The following PRSS23 variants were observed in gnomAD, a reference collection of about 807,000 sequenced individuals.
The protein encoded by PRSS23 is serine protease 23.
In PRSS23, 25 loss-of-function variants were observed where a neutral mutation model predicts 34.7. The observed-to-expected ratio is 0.72, with a 90% CI of 0.53 to 1.01. The LOEUF (loss-of-function observed/expected upper bound fraction) is 1.01. PRSS23 is among the 50% of genes least tolerant of loss of function. The probability of loss-of-function intolerance (pLI) is 0.00; values close to 1 mark genes in which losing one functional copy is unlikely to be tolerated. For synonymous variants in PRSS23, 176 were observed against 186.6 expected (o/e 0.94, Z 0.46); for missense variants, 445 against 475.6 (o/e 0.94, Z 0.60).
chr11:86,951,278 A>T (rs749958709), exon 3 of PRSS23: 1 of 1,614,186 alleles, frequency 6.2e-7, no homozygotes, highest in Non-Finnish European at 8.5e-7. Context: ...CCAAATCCAC[A>T]TGCCTGAAGT....
At chr11:86,827,758 AGTC>A (rs1216940608) in intron 2 of PRSS23, among the ~76,000 whole-genome samples, 1 of 152,200 alleles carries the variant, frequency 6.6e-6, no homozygotes, top group Non-Finnish European at 1.5e-5. Flanking sequence ...TGTACCCAGT[AGTC>A]ATTCAGGAGC....
chr11:86,830,671 C>T (rs969895190), intron 2 of PRSS23, among the ~76,000 whole-genome samples: 1 of 152,140 alleles, frequency 6.6e-6, no homozygotes, highest in Non-Finnish European at 1.5e-5. Flanking sequence ...TGTTGCTCCT[C>T]ATATCACAGG....
At chr11:86,888,145 A>G (rs1480168072) in intron 2 of PRSS23, among the ~76,000 whole-genome samples, 1 of 151,104 alleles carries the variant, frequency 6.6e-6, no homozygotes, top group African/African-American at 2.4e-5. Context: ...AACAAAACCT[A>G]AGCTGCCACA....
chr11:86,907,178 T>C (rs1325013402), intron 2 of PRSS23, among the ~76,000 whole-genome samples: 1 of 152,234 alleles, frequency 6.6e-6, no homozygotes, highest in Admixed American at 6.5e-5. Flanking sequence ...TATACGTACA[T>C]GTATATTTTT....
intron 2 of PRSS23, among the ~76,000 whole-genome samples, chr11:86,916,330 A>T (rs929138039): frequency 6.6e-6 from 1 of 152,158 alleles, no homozygotes; most frequent in Non-Finnish European, 1.5e-5. Context: ...GAGATAATAA[A>T]TAGTGAATGT....
At chr11:86,856,346 A>G (rs994231552) in intron 2 of PRSS23, among the ~76,000 whole-genome samples, 2 of 151,116 alleles carry the variant, frequency 1.3e-5, no homozygotes, top group African/African-American at 4.9e-5. Context: ...AAAAATCTGC[A>G]TGCCCACACA....
At chr11:86,865,008 A>T (rs1948640762) in intron 2 of PRSS23, among the ~76,000 whole-genome samples, 1 of 152,226 alleles carries the variant, frequency 6.6e-6, no homozygotes, top group Admixed American at 6.5e-5. Flanking sequence ...TCCATAACAT[A>T]ACCACATCTA....
intron 2 of PRSS23, among the ~76,000 whole-genome samples, chr11:86,865,654 CTTG>C (rs1948644971): frequency 6.6e-6 from 1 of 152,174 alleles, no homozygotes; most frequent in Admixed American, 6.5e-5. Flanking sequence ...TGCTCATCCA[CTTG>C]TTGGCAGTTT....
At chr11:86,838,073 C>CT (rs34376720) in intron 2 of PRSS23, among the ~76,000 whole-genome samples, 122 of 144,436 alleles carry the variant, frequency 8.4e-4, no homozygotes, top group South Asian at 2.2e-3. Context: ...ACGGTACACT[C>CT]TTTTTTTTTT....
intron 2 of PRSS23, among the ~76,000 whole-genome samples, chr11:86,844,098 G>A (rs1310899097): frequency 6.6e-6 from 1 of 152,226 alleles, no homozygotes; most frequent in East Asian, 1.9e-4. Flanking sequence ...AAAAGGATGA[G>A]TTCATGTCCT....
At chr11:86,883,602 A>G (rs1948784545) in intron 2 of PRSS23, among the ~76,000 whole-genome samples, 1 of 152,240 alleles carries the variant, frequency 6.6e-6, no homozygotes, top group African/African-American at 2.4e-5. Flanking sequence ...TTCATGATGA[A>G]GACGCCAAAA....
chr11:86,852,196 C>T (rs1420302510), intron 2 of PRSS23, among the ~76,000 whole-genome samples: 1 of 152,188 alleles, frequency 6.6e-6, no homozygotes, highest in African/African-American at 2.4e-5. Context: ...GTCCTCAAGA[C>T]TGGCAAGAAG....
chr11:86,836,309 G>C (rs1351251335), intron 2 of PRSS23, among the ~76,000 whole-genome samples: 4 of 152,148 alleles, frequency 2.6e-5, no homozygotes, highest in African/African-American at 4.8e-5. Context: ...TGGAGTCCTT[G>C]TTGGGCCTTG....
At chr11:86,861,186 G>A (rs1246758944) in intron 2 of PRSS23, among the ~76,000 whole-genome samples, 2 of 150,392 alleles carry the variant, frequency 1.3e-5, no homozygotes, top group African/African-American at 2.5e-5. Context: ...CCCATGTCAC[G>A]GGGGGTGTCC....
At chr11:86,911,718 C>A (rs1371172356) in intron 2 of PRSS23, 3 of 152,038 alleles carry the variant, frequency 2.0e-5, no homozygotes, top group Non-Finnish European at 4.4e-5. Context: ...ATAGAACCAA[C>A]AATATTGCTT....
upstream of PRSS23, among the ~76,000 whole-genome samples, chr11:86,798,965 G>A (rs932121075): frequency 3.9e-5 from 6 of 152,310 alleles, no homozygotes; most frequent in African/African-American, 1.2e-4. Context: ...AAAGTGCTAC[G>A]ATTACAGGCG....
intron 2 of PRSS23, among the ~76,000 whole-genome samples, chr11:86,869,379 C>T (rs908231536): frequency 1.3e-5 from 2 of 152,158 alleles, no homozygotes; most frequent in Admixed American, 6.5e-5. Flanking sequence ...CTTTATCAAA[C>T]ATCAACTGGG....
At chr11:86,821,763 A>C (rs1565355475) in intron 1 of PRSS23, 1 of 1,239,462 alleles carries the variant, frequency 8.1e-7, no homozygotes, top group East Asian at 2.4e-5. Flanking sequence ...AATTATAAAA[A>C]TCCTGTGCCC....
intron 1 of PRSS23, among the ~76,000 whole-genome samples, chr11:86,820,527 T>A (rs1018142342): frequency 6.6e-6 from 1 of 152,188 alleles, no homozygotes; most frequent in Admixed American, 6.5e-5. Flanking sequence ...GAAAGGTAAA[T>A]CCTTTCCAAG....
Sources: gnomAD v4.1 joint callset for allele counts (sites outside exome capture counted in the v4.1 genomes callset) on GRCh38, gnomAD v4.1.1 for gene constraint, MANE v1.5 for transcripts, NCBI Gene and HGNC (gene_info 2026-07-23, HGNC 2026-07-21) for gene names.